Variants in GALNT13 observed in about 807,000 individuals in gnomAD.
The protein encoded by GALNT13 is polypeptide N-acetylgalactosaminyltransferase 13, also known as UDP-GalNAc:polypeptide N-acetylgalactosaminyltransferase 13.
In GALNT13, 28 loss-of-function variants were observed where a neutral mutation model predicts 64.2. The ratio of observed to expected loss-of-function variants is 0.44; its 90% CI spans 0.32 to 0.60. The LOEUF (loss-of-function observed/expected upper bound fraction) is 0.60. Among genes scored for constraint, GALNT13 ranks in the 20% least tolerant of loss-of-function variants. The pLI, the probability that GALNT13 is intolerant of heterozygous loss-of-function variation, is 0.05. For synonymous variants in GALNT13, 214 were observed against 224.6 expected, an observed-to-expected ratio of 0.95 and a Z score of 0.42; for missense variants, 577 against 669.8, an observed-to-expected ratio of 0.86 and a Z score of 1.53.
chr2:153,905,945 T>C (rs557362126), intron 2 of GALNT13, among the ~76,000 whole-genome samples: 4 of 152,020 alleles, frequency 2.6e-5, no homozygotes, highest in African/African-American at 9.6e-5. Context: ...GAATGTAGCA[T>C]GAGGATGCTG....
At chr2:154,105,469 C>T (rs1336576957) in intron 3 of GALNT13, among the ~76,000 whole-genome samples, 2 of 152,070 alleles carry the variant, frequency 1.3e-5, no homozygotes, top group African/African-American at 2.4e-5. Flanking sequence ...AAGTAACATG[C>T]TTGTAGTAAA....
chr2:154,311,217 A>T (rs1274712025), intron 9 of GALNT13, among the ~76,000 whole-genome samples: 1 of 152,056 alleles, frequency 6.6e-6, no homozygotes, highest in African/African-American at 2.4e-5. Flanking sequence ...GTACATATTT[A>T]TTTATATTTG....
chr2:153,465,460 A>G, the GALNT13 span, among the ~76,000 whole-genome samples: 2 of 151,036 alleles, frequency 1.3e-5, no homozygotes, highest in African/African-American at 4.9e-5. Flanking sequence ...CTTTCATTTG[A>G]TTATCTAGTG....
At chr2:153,840,431 A>C in the GALNT13 span, among the ~76,000 whole-genome samples, 3 of 152,164 alleles carry the variant, frequency 2.0e-5, no homozygotes, top group Non-Finnish European at 4.4e-5. Context: ...ATAATAAAGC[A>C]ATAACCTTCT....
At chr2:153,086,926 G>A in the GALNT13 span, among the ~76,000 whole-genome samples, 17 of 152,030 alleles carry the variant, frequency 1.1e-4, no homozygotes, top group East Asian at 5.8e-4. Flanking sequence ...TACCATCAGC[G>A]AACAGTGACA....
chr2:153,161,934 G>C, the GALNT13 span, among the ~76,000 whole-genome samples: 832 of 152,316 alleles, frequency 5.5e-3, 1 homozygote, highest in South Asian at 0.011. Context: ...AGAAAGAGAA[G>C]GGTTCATGGT....
At chr2:153,516,950 C>T in the GALNT13 span, among the ~76,000 whole-genome samples, 1 of 152,044 alleles carries the variant, frequency 6.6e-6, no homozygotes, top group Non-Finnish European at 1.5e-5. Context: ...CCTTACCTTC[C>T]ACCTCCTTCT....
chr2:153,252,528 G>A, the GALNT13 span, among the ~76,000 whole-genome samples: 778 of 148,894 alleles, frequency 5.2e-3, 3 homozygotes, highest in African/African-American at 0.018. Flanking sequence ...TTGGTGTTTT[G>A]GACATGAAGT....
At chr2:153,378,448 T>A in the GALNT13 span, among the ~76,000 whole-genome samples, 2 of 152,126 alleles carry the variant, frequency 1.3e-5, no homozygotes, top group Non-Finnish European at 2.9e-5. Flanking sequence ...AGAAAATAAT[T>A]TTTTTGCAGC....
the GALNT13 span, among the ~76,000 whole-genome samples, chr2:153,707,260 GA>G: frequency 6.6e-6 from 1 of 152,142 alleles, no homozygotes; most frequent in Non-Finnish European, 1.5e-5. Flanking sequence ...AAAGTTGTAA[GA>G]ATAAATGTCT....
intron 9 of GALNT13, among the ~76,000 whole-genome samples, chr2:154,317,327 C>A (rs1214737871): frequency 6.6e-6 from 1 of 151,776 alleles, no homozygotes; most frequent in Non-Finnish European, 1.5e-5. Context: ...ATTTTAAATT[C>A]TAGATCAATA....
intron 3 of GALNT13, among the ~76,000 whole-genome samples, chr2:154,041,373 T>C (rs1698966843): frequency 1.4e-5 from 2 of 140,554 alleles, no homozygotes; most frequent in South Asian, 4.5e-4. Flanking sequence ...AGAGAAAATC[T>C]CTTGAGAGTT....
intron 4 of GALNT13, among the ~76,000 whole-genome samples, chr2:154,226,556 A>C (rs1688626848): frequency 6.6e-6 from 1 of 152,186 alleles, no homozygotes; most frequent in South Asian, 2.1e-4. Flanking sequence ...GCAAGAAGAG[A>C]AATTTATGAT....
At chr2:154,182,969 C>T (rs1416800013) in intron 4 of GALNT13, among the ~76,000 whole-genome samples, 1 of 151,876 alleles carries the variant, frequency 6.6e-6, no homozygotes. Flanking sequence ...TATTTATTAG[C>T]AATATTGGTC....
chr2:154,353,194 T>G (rs994896039), intron 9 of GALNT13, among the ~76,000 whole-genome samples: 1 of 152,178 alleles, frequency 6.6e-6, no homozygotes, highest in African/African-American at 2.4e-5. Flanking sequence ...TTAGGCTTTT[T>G]GTCAATTTAA....
chr2:153,079,429 T>C, the GALNT13 span, among the ~76,000 whole-genome samples: 1 of 152,202 alleles, frequency 6.6e-6, no homozygotes, highest in Non-Finnish European at 1.5e-5. Flanking sequence ...TGATTTTTTT[T>C]CTTTGGATTG....
the GALNT13 span, among the ~76,000 whole-genome samples, chr2:153,557,722 T>G: frequency 6.6e-6 from 1 of 152,232 alleles, no homozygotes; most frequent in East Asian, 1.9e-4. Flanking sequence ...CAATTGCTCT[T>G]ATAATAAAAT....
At chr2:154,085,534 G>T (rs1005579991) in intron 3 of GALNT13, among the ~76,000 whole-genome samples, 9 of 151,984 alleles carry the variant, frequency 5.9e-5, no homozygotes, top group African/African-American at 1.7e-4. Context: ...TCTGAAAAAG[G>T]AAGTTCTTAA....
chr2:153,440,951 A>C, the GALNT13 span, among the ~76,000 whole-genome samples: 1 of 152,074 alleles, frequency 6.6e-6, no homozygotes, highest in Admixed American at 6.6e-5. Flanking sequence ...CTTTAGTTTA[A>C]TTAGATCCCA....
Sources: allele counts gnomAD v4.1 joint callset (sites outside exome capture counted in the v4.1 genomes callset), GRCh38; gene constraint gnomAD v4.1.1; transcripts MANE v1.5; gene names NCBI Gene and HGNC (gene_info 2026-07-23, HGNC 2026-07-21).